The following MLLT1 variants were observed in gnomAD, a reference collection of about 807,000 sequenced individuals.
MLLT1 encodes MLLT1 super elongation complex subunit.
In MLLT1, 11 loss-of-function variants were observed where a neutral mutation model predicts 55.1. That is an observed-to-expected ratio of 0.20 (90% confidence interval 0.13 to 0.33). MLLT1 has a LOEUF of 0.33. Among genes scored for constraint, MLLT1 ranks in the 10% least tolerant of loss-of-function variants. The probability of loss-of-function intolerance (pLI) is 1.00; values close to 1 mark genes in which losing one functional copy is unlikely to be tolerated. For missense variants in MLLT1, 536 were observed against 760.6 expected, an observed-to-expected ratio of 0.70 and a Z score of 3.47; for synonymous variants, 323 against 320.1, an observed-to-expected ratio of 1.01 and a Z score of -0.10.
In MLLT1 at chr19:6,230,230, G is replaced by GAGGCCCTGTGCA. The variant is rs1568280999; in HGVS notation, c.420+339_420+340insTGCACAGGGCCT. On this transcript the variant is annotated intron_variant, in intron 4 of 11. Coordinates refer to ENST00000252674, the MANE Select transcript of MLLT1 (RefSeq NM_005934.4). This position sits in a 1 kb window ranked among gnomAD's most constrained non-coding sequence, Gnocchi z 9.0. ...GATGCGCACGGCAGGGGCCCTGTGC[G>GAGGCCCTGTGCA]GAGGCCCTGCCCAGCTAGTTACAAG... 6.6e-6 allele frequency among the ~76,000 whole-genome samples: 1 copy of GAGGCCCTGTGCA among 152,052 alleles called. No homozygotes were observed. The highest frequency in any genetic ancestry group is 2.4e-5 in the African/African-American group (1 of 41,384).
chr19:6,260,685 G>A (rs537723063), intron 3 of MLLT1, among the ~76,000 whole-genome samples: 62 of 152,366 alleles, frequency 4.1e-4, no homozygotes, highest in African/African-American at 1.5e-3. Context: ...TGGGAACACA[G>A]AAAACCTCAC....
intron 3 of MLLT1, among the ~76,000 whole-genome samples, chr19:6,250,614 G>A (rs2091204826): frequency 6.6e-6 from 1 of 152,310 alleles, no homozygotes; most frequent in Admixed American, 6.5e-5. Context: ...CTGCATTCAC[G>A]TGGATTCAAC....
chr19:6,276,441 C>T (rs2091428704), intron 1 of MLLT1, among the ~76,000 whole-genome samples: 1 of 152,174 alleles, frequency 6.6e-6, no homozygotes, highest in Non-Finnish European at 1.5e-5. Context: ...TGTGAGGCAG[C>T]TGCTCTCAAA....
Position 6,235,782 on chromosome 19 carries a change from G to A in MLLT1, c.277-5069C>T, listed in dbSNP as rs141395702. ...CTCACCCTAGCCCACCAATGGCCTC[G>A]ATGAGCCTGGAGGAGGCTCCACATC... is the stretch of plus-strand genomic sequence containing the variant. On this transcript the variant is annotated intron_variant, in intron 3 of 11. Coordinates refer to ENST00000252674, the MANE Select transcript of MLLT1 (RefSeq NM_005934.4). The surrounding 1 kb of genome is among the most constrained non-coding windows in gnomAD (Gnocchi z 5.5). Among the ~76,000 whole-genome samples the A allele has an allele frequency of 2.6e-5, 4 of 152,184 alleles. No individual in the cohort carries two copies. The East Asian group carries it at 5.8e-4, about 22-fold the overall frequency.
chr19:6,258,073 T>C (rs1297588320), intron 3 of MLLT1, among the ~76,000 whole-genome samples: 2 of 152,142 alleles, frequency 1.3e-5, no homozygotes, highest in African/African-American at 4.8e-5. Context: ...GAAAACGGCT[T>C]AGCAGTTCCT....
chr19:6,271,968 C>T (rs1467216115), intron 1 of MLLT1, among the ~76,000 whole-genome samples: 2 of 152,370 alleles, frequency 1.3e-5, no homozygotes, highest in Non-Finnish European at 2.9e-5. Context: ...GTTCAGACCC[C>T]GCCACCTGGC....
rs1338863230 is a variant in MLLT1, at chr19:6,220,965, G to A, written c.1110+1156C>T. On this transcript the variant is annotated intron_variant, in intron 6 of 11. Transcript: ENST00000252674. Reference sequence around the variant, plus strand: ...GCCACTGCCAAGCCATGGGAGCACCGGGCACTCAGCCTTGCCAGCCCATGT... The same window carrying A: ...GCCACTGCCAAGCCATGGGAGCACCAGGCACTCAGCCTTGCCAGCCCATGT... Among the ~76,000 whole-genome samples the A allele has an allele frequency of 3.9e-5, 6 of 152,302 alleles. No individual in the cohort carries two copies. In the East Asian group the frequency reaches 5.8e-4, roughly 15 times the overall value.
rs921501225 is a variant in MLLT1 at position 6,219,474 on chromosome 19, G to A, written c.1111-1433C>T. 1.3e-5 allele frequency among the ~76,000 whole-genome samples: 2 copies of A among 152,202 alleles called. No homozygotes were observed. The highest frequency in any genetic ancestry group is 4.8e-5 in the African/African-American group (2 of 41,456). On this transcript the variant is annotated intron_variant, in intron 6 of 11. Coordinates refer to ENST00000252674, the MANE Select transcript of MLLT1 (RefSeq NM_005934.4). This position sits in a 1 kb window ranked among gnomAD's most constrained non-coding sequence, Gnocchi z 4.5. ...TTCTGTTCTTGGGGGCCAGGGGTGA[G>A]TAAGAGGTGACCGAGAGATGGCCTA...
intron 4 of MLLT1, among the ~76,000 whole-genome samples, chr19:6,228,025 G>C (rs951739149): frequency 6.6e-6 from 1 of 152,232 alleles, no homozygotes; most frequent in African/African-American, 2.4e-5. Flanking sequence ...TAAGGACACT[G>C]ATGTCATGCG....
At position 6,227,111 on chromosome 19, in the gene MLLT1, A is replaced by G; in HGVS notation, c.421-9T>C. ...TCGGGCATTACCATCACCTAGTGAC[A>G]GAGAAGAGACAGTCATTATCGATGG... On this transcript the variant is annotated splice_polypyrimidine_tract_variant and intron_variant, in intron 4 of 11. Transcript: ENST00000252674. This position sits in a 1 kb window ranked among gnomAD's most constrained non-coding sequence, Gnocchi z 5.1. The G allele has an allele frequency of 6.3e-7, 1 of 1,591,862 alleles. No homozygotes were observed. Among genetic ancestry groups the G allele is most frequent in the Non-Finnish European group, 8.5e-7 (1 of 1,171,464 alleles).
intron 7 of MLLT1, among the ~76,000 whole-genome samples, chr19:6,217,372 G>A (rs1189228269): frequency 2.0e-5 from 3 of 152,202 alleles, no homozygotes; most frequent in South Asian, 2.1e-4. Flanking sequence ...GACTGGGGCC[G>A]GGGGCTCAGG....
intron 2 of MLLT1, among the ~76,000 whole-genome samples, chr19:6,265,370 A>G (rs2091340904): frequency 6.6e-6 from 1 of 152,132 alleles, no homozygotes; most frequent in South Asian, 2.1e-4. Flanking sequence ...TCATGTCAGC[A>G]CTCAAAAAGT....
chr19:6,266,348 A>G (rs1264454594), intron 2 of MLLT1, among the ~76,000 whole-genome samples: 1 of 152,164 alleles, frequency 6.6e-6, no homozygotes, highest in Non-Finnish European at 1.5e-5. Flanking sequence ...GTAATTCCCA[A>G]ACCACAAAAC....
chr19:6,236,923 C>T (rs1413605713), intron 3 of MLLT1, among the ~76,000 whole-genome samples: 11 of 152,220 alleles, frequency 7.2e-5, no homozygotes, highest in East Asian at 1.9e-4. Context: ...CCTAGAGTCA[C>T]GTGTTCTTGG....
chr19:6,243,629 G>A (rs1231580245), intron 3 of MLLT1, among the ~76,000 whole-genome samples: 1 of 149,294 alleles, frequency 6.7e-6, no homozygotes, highest in Non-Finnish European at 1.5e-5. Context: ...GAGCAGCTCT[G>A]CCCACCCAGC....
Position 6,219,651 on chromosome 19 carries a change from G to C in MLLT1, c.1111-1610C>G, listed in dbSNP as rs1015811833. 6.6e-6 allele frequency among the ~76,000 whole-genome samples: 1 copy of C among 152,216 alleles called. No homozygotes were observed. The highest frequency in any genetic ancestry group is 1.5e-5 in the Non-Finnish European group (1 of 68,042). ...CCGGATGGAATCCCTGGGGCAGAGG[G>C]GTGGGCACCAACCTGGAGGGAGGTG... On this transcript the variant is annotated intron_variant, in intron 6 of 11. Transcript: ENST00000252674. This position sits in a 1 kb window ranked among gnomAD's most constrained non-coding sequence, Gnocchi z 4.5.
chr19:6,220,179 G>A lies in MLLT1; in HGVS notation c.1110+1942C>T, dbSNP rs889565210. On this transcript the variant is annotated intron_variant, in intron 6 of 11. Coordinates refer to ENST00000252674, the MANE Select transcript of MLLT1 (RefSeq NM_005934.4). ...CAGATTCTTCCGATGGCCGGTTCTG[G>A]TAGCACAGCCACACACAGCCTCTGG... is the stretch of plus-strand genomic sequence containing the variant. 6.6e-5 allele frequency among the ~76,000 whole-genome samples: 10 copies of A among 152,242 alleles called. 1 individual carries two copies. The highest frequency in any genetic ancestry group is 2.0e-4 in the Admixed American group (3 of 15,288).
Position 6,227,738 on chromosome 19 carries a change from G to A in MLLT1, c.421-636C>T, listed in dbSNP as rs570728177. Among the ~76,000 whole-genome samples the A allele has an allele frequency of 2.5e-4, 38 of 152,126 alleles. No individual in the cohort carries two copies. The highest frequency in any genetic ancestry group is 4.4e-4 in the Non-Finnish European group (30 of 68,002). On this transcript the variant is annotated intron_variant, in intron 4 of 11. Transcript: ENST00000252674. The surrounding 1 kb of genome is among the most constrained non-coding windows in gnomAD (Gnocchi z 5.1). ...TGCAGCATGGGGCACCTGCTCCTGCGCTCCATCAGAGGCTACGGATGACGA... is the reference window on the plus strand; with the variant it reads ...TGCAGCATGGGGCACCTGCTCCTGCACTCCATCAGAGGCTACGGATGACGA...
rs551832805 is a variant in MLLT1, at chr19:6,277,229, CCT to C, written c.12+2542_12+2543del. 2.6e-3 allele frequency among the ~76,000 whole-genome samples: 391 copies of C among 152,346 alleles called. 1 individual carries two copies. Among genetic ancestry groups the C allele is most frequent in the African/African-American group, 9.0e-3 (373 of 41,568 alleles). ...GTGAGGAAGGGACAGAACCCTTGGG[CCT>C]CTCTCAAATTTGCATGAAAGCTTTG... is the stretch of plus-strand genomic sequence containing the variant. On this transcript the variant is annotated intron_variant, in intron 1 of 11. Coordinates refer to ENST00000252674, the MANE Select transcript of MLLT1 (RefSeq NM_005934.4).
Sources: gnomAD v4.1 joint callset for allele counts (sites outside exome capture counted in the v4.1 genomes callset) on GRCh38, gnomAD v4.1.1 for gene constraint, Gnocchi (gnomAD v3.1) non-coding constraint, MANE v1.5 for transcripts, NCBI Gene and HGNC (gene_info 2026-07-23, HGNC 2026-07-21) for gene names.